Variants in ATIC observed in about 807,000 individuals in gnomAD.
ATIC encodes 5-aminoimidazole-4-carboxamide ribonucleotide formyltransferase/IMP cyclohydrolase, also known as bifunctional purine biosynthesis protein ATIC.
In ATIC, 64 loss-of-function variants were observed where a neutral mutation model predicts 72.5. That is an observed-to-expected ratio of 0.88 (90% confidence interval 0.72 to 1.09). The LOEUF (loss-of-function observed/expected upper bound fraction) is 1.09. Ranked by LOEUF, ATIC falls within the 50% of genes least tolerant of loss-of-function variation. The pLI is 0.00. For missense variants in ATIC, 787 were observed against 732.4 expected (o/e 1.07, Z -0.86); for synonymous variants, 281 against 267.1 (o/e 1.05, Z -0.51).
At chr2:215,327,719 GCCT>G (rs1205030883) in intron 7 of ATIC, among the ~76,000 whole-genome samples, 1 of 152,138 alleles carries the variant, frequency 6.6e-6, no homozygotes, top group African/African-American at 2.4e-5. Context: ...AGCAAGGGCA[GCCT>G]CCTTCCTGCC....
chr2:215,343,553 C>T (rs1333577486), intron 12 of ATIC, among the ~76,000 whole-genome samples: 1 of 152,188 alleles, frequency 6.6e-6, no homozygotes, highest in Non-Finnish European at 1.5e-5. Flanking sequence ...TCAGGCTGGC[C>T]TGGAACTTCT....
chr2:215,329,539 G>A (rs534513329), intron 7 of ATIC, among the ~76,000 whole-genome samples: 5 of 152,264 alleles, frequency 3.3e-5, no homozygotes, highest in African/African-American at 1.2e-4. Flanking sequence ...CAGAGTGTAT[G>A]GTTGCGATTG....
At chr2:215,331,894 A>G (rs901244132) in intron 7 of ATIC, among the ~76,000 whole-genome samples, 2 of 152,154 alleles carry the variant, frequency 1.3e-5, no homozygotes, top group African/African-American at 2.4e-5. Context: ...GAAAAAACAC[A>G]TTATTTCTTC....
intron 2 of ATIC, 43 bp downstream of exon 2, chr2:215,312,667 T>G: frequency 6.2e-7 from 1 of 1,613,884 alleles, no homozygotes; most frequent in Non-Finnish European, 8.5e-7. Context: ...GTGATCACAT[T>G]AACCAGGAAG....
chr2:215,326,941 C>A lies in ATIC; in HGVS notation c.651C>A (p.Ala217=). 1 of 1,614,136 alleles carries A rather than the reference C, an allele frequency of 6.2e-7. No homozygotes were observed. Among genetic ancestry groups the A allele is most frequent in the Non-Finnish European group, 8.5e-7 (1 of 1,180,036 alleles). Residue 217 remains alanine (A), a synonymous_variant, in exon 7 of 16, where the codon GCC becomes GCA. Transcript: ENST00000236959. ...GAATGAACCCACATCAGACCCCTGC[C>A]CAGCTGTACACACTGCAGCCCAAGC... ...RYGMNPHQTP[A]QLYTLQPKLP...
intron 12 of ATIC, among the ~76,000 whole-genome samples, chr2:215,341,136 A>G: frequency 6.6e-6 from 1 of 152,152 alleles, no homozygotes; most frequent in East Asian, 1.9e-4. Flanking sequence ...CGATTAACAT[A>G]TCTTTTTTGT....
intron 7 of ATIC, among the ~76,000 whole-genome samples, chr2:215,328,298 A>G (rs2052851705): frequency 6.6e-6 from 1 of 152,136 alleles, no homozygotes; most frequent in South Asian, 2.1e-4. Context: ...TTCACAGCAC[A>G]GTAATCTTTT....
chr2:215,320,447 G>A (rs997146551), intron 4 of ATIC, among the ~76,000 whole-genome samples: 1 of 152,182 alleles, frequency 6.6e-6, no homozygotes. Context: ...TCAACTTCTG[G>A]TGAGGGCCTC....
chr2:215,368,061 C>G, the ATIC span: 1 of 1,609,410 alleles, frequency 6.2e-7, no homozygotes, highest in Non-Finnish European at 8.5e-7. Context: ...CAAAAAGAGA[C>G]ATCTTATTAA....
In ATIC at chr2:215,341,261, T is replaced by C. The variant is rs139994160; in HGVS notation, c.1227+2354T>C. 3.3e-5 allele frequency among the ~76,000 whole-genome samples: 5 copies of C among 152,346 alleles called. No individual in the cohort carries two copies. The East Asian group carries it at 7.7e-4, about 23-fold the overall frequency. On this transcript the variant is annotated intron_variant, in intron 12 of 15. Coordinates refer to ENST00000236959, the MANE Select transcript of ATIC (RefSeq NM_004044.7). ...TCTTTCAGCCCTTTGGAATCCACTC[T>C]GGTTGGTTCATGTACTTTGAAAAAT... is the stretch of plus-strand genomic sequence containing the variant.
chr2:215,322,856 A>G (rs1369931092), intron 4 of ATIC, among the ~76,000 whole-genome samples: 1 of 152,138 alleles, frequency 6.6e-6, no homozygotes, highest in Non-Finnish European at 1.5e-5. Flanking sequence ...CCAGTACTAC[A>G]CTATTACTAT....
the ATIC span, chr2:215,364,560 A>T: frequency 2.3e-6 from 1 of 428,326 alleles, no homozygotes; most frequent in Non-Finnish European, 4.3e-6. Context: ...CTGACATGCT[A>T]GGGAGCTTAG....
At position 215,312,304 on chromosome 2, in the gene ATIC, C is replaced by G. The variant is rs747979993; in HGVS notation, c.19+143C>G. Reference sequence around the variant, plus strand: ...CAGCGTCCCCGCTCCCCGGCCGGGCCGCAGCCTGCGTGGGGCCCGCCTTAG... The same window carrying G: ...CAGCGTCCCCGCTCCCCGGCCGGGCGGCAGCCTGCGTGGGGCCCGCCTTAG... On this transcript the variant is annotated intron_variant, in intron 1 of 15. Coordinates refer to ENST00000236959, the MANE Select transcript of ATIC (RefSeq NM_004044.7). The G allele has an allele frequency of 4.9e-5, 71 of 1,448,812 alleles. 1 individual carries two copies. The highest frequency in any genetic ancestry group is 6.3e-5 in the Non-Finnish European group (69 of 1,089,160). 89.7% of individuals were successfully genotyped at this position (1,448,812 alleles called of 1,614,324 possible).
chr2:215,329,664 T>C (rs927368612), intron 7 of ATIC, among the ~76,000 whole-genome samples: 5 of 152,228 alleles, frequency 3.3e-5, no homozygotes, highest in Non-Finnish European at 5.9e-5. Context: ...TTCCTATTTA[T>C]TTCAGCTATT....
chr2:215,314,293 A>AC (rs2052685811), intron 2 of ATIC, among the ~76,000 whole-genome samples: 2 of 152,164 alleles, frequency 1.3e-5, no homozygotes, highest in African/African-American at 2.4e-5. Context: ...ACTTGGAGCA[A>AC]TTGTTTTTTC....
At chr2:215,313,577 A>C (rs1396378510) in intron 2 of ATIC, among the ~76,000 whole-genome samples, 2 of 152,192 alleles carry the variant, frequency 1.3e-5, no homozygotes, top group East Asian at 3.8e-4. Context: ...ACCACCCCTG[A>C]AACATATTTT....
At chr2:215,315,134 A>G (rs1441587151) in intron 2 of ATIC, among the ~76,000 whole-genome samples, 1 of 152,144 alleles carries the variant, frequency 6.6e-6, no homozygotes, top group Non-Finnish European at 1.5e-5. Flanking sequence ...TCCACCCCCT[A>G]AGGATCTCCT....
rs1159648713 is a variant in ATIC, at chr2:215,323,976, G to C, written c.291-1265G>C. 3.3e-5 allele frequency among the ~76,000 whole-genome samples: 5 copies of C among 152,192 alleles called. No homozygotes were observed. In the East Asian group the frequency reaches 9.7e-4, roughly 29 times the overall value. On this transcript the variant is annotated intron_variant, in intron 4 of 15. Transcript: ENST00000236959. The stretch of plus-strand genomic sequence containing the variant: ...GGGGTTTCTCCATGTTGGTCAGGCT[G>C]GTCTTGAACTTCCAACCTCAGTTGA...
intron 12 of ATIC, among the ~76,000 whole-genome samples, chr2:215,339,888 A>G (rs1036343800): frequency 6.6e-6 from 1 of 152,018 alleles, no homozygotes. Context: ...TGCCCACCTC[A>G]GCCTCCCAAA....
Sources: gnomAD v4.1 joint callset for allele counts (sites outside exome capture counted in the v4.1 genomes callset) on GRCh38, gnomAD v4.1.1 for gene constraint, MANE v1.5 for transcripts, NCBI Gene and HGNC (gene_info 2026-07-23, HGNC 2026-07-21) for gene names.